OR6N1: variants seen among roughly 807,000 people sequenced by gnomAD.
The protein encoded by OR6N1 is olfactory receptor 6N1.
For synonymous variants in OR6N1, 170 were observed against 150.7 expected (o/e 1.13, Z -0.94); for missense variants, 394 against 371.7 (o/e 1.06, Z -0.49).
chr1:158,818,762 C>A, the OR6N1 span, among the ~76,000 whole-genome samples: 4 of 152,202 alleles, frequency 2.6e-5, no homozygotes, highest in African/African-American at 9.6e-5. Context: ...ACTTCCCTAT[C>A]CTTACCCAGT....
chr1:158,809,696 C>T, the OR6N1 span, among the ~76,000 whole-genome samples: 5 of 152,130 alleles, frequency 3.3e-5, no homozygotes, highest in African/African-American at 7.2e-5. Flanking sequence ...TAACCAACAA[C>T]ATTGGAGAAG....
rs913126375 is a variant in OR6N1 at position 158,764,816 on chromosome 1, A to G, written c.*928T>C. 6.6e-6 allele frequency: 1 copy of G among 152,052 alleles called. No homozygotes were observed. Among genetic ancestry groups the G allele is most frequent in the Non-Finnish European group, 1.5e-5 (1 of 67,984 alleles). 9.4% of individuals were successfully genotyped at this position (152,052 alleles called of 1,614,324 possible). A position where few individuals can be genotyped will look rare whatever the true frequency, so the allele number is the denominator to read the frequency against. On this transcript the variant is annotated 3_prime_UTR_variant, in exon 2 of 2. Coordinates refer to ENST00000641846, the MANE Select transcript of OR6N1 (RefSeq NM_001005185.2). ...TTCTTTCCACTGACTCAACTCCTATACTTTCATACATTATACTGGCCATAG... is the reference window on the plus strand; with the variant it reads ...TTCTTTCCACTGACTCAACTCCTATGCTTTCATACATTATACTGGCCATAG...
chr1:158,771,647 G>C (rs1215033207), intron 1 of OR6N1, among the ~76,000 whole-genome samples: 1 of 152,084 alleles, frequency 6.6e-6, no homozygotes, highest in African/African-American at 2.4e-5. Flanking sequence ...AATTGTTTAG[G>C]CATAGGGCCA....
At chr1:158,802,565 T>C in the OR6N1 span, among the ~76,000 whole-genome samples, 2 of 152,124 alleles carry the variant, frequency 1.3e-5, no homozygotes, top group Non-Finnish European at 2.9e-5. Context: ...AAAGCTTTTT[T>C]TGCAAGGAGA....
At chr1:158,773,663 C>A (rs1657480019), upstream of OR6N1, among the ~76,000 whole-genome samples, 1 of 152,104 alleles carries the variant, frequency 6.6e-6, no homozygotes, top group African/African-American at 2.4e-5. Flanking sequence ...TTCATCCACC[C>A]TCCCCATCTT....
At chr1:158,801,669 T>A in the OR6N1 span, among the ~76,000 whole-genome samples, 1 of 152,300 alleles carries the variant, frequency 6.6e-6, no homozygotes, top group South Asian at 2.1e-4. Flanking sequence ...ATATAAATGT[T>A]GTATAAAGCC....
chr1:158,773,148 T>G (rs530710675), upstream of OR6N1, among the ~76,000 whole-genome samples: 259 of 145,024 alleles, frequency 1.8e-3, 1 homozygote, highest in Non-Finnish European at 3.1e-3. Flanking sequence ...GTTTATATTT[T>G]TCTATCTCCT....
chr1:158,767,444 C>G (rs995032232), intron 1 of OR6N1, among the ~76,000 whole-genome samples: 1 of 152,186 alleles, frequency 6.6e-6, no homozygotes, highest in Non-Finnish European at 1.5e-5. Context: ...ACTTCAAATG[C>G]TCTTTTCTGG....
At chr1:158,806,453 C>T in the OR6N1 span, among the ~76,000 whole-genome samples, 1 of 152,132 alleles carries the variant, frequency 6.6e-6, no homozygotes, top group African/African-American at 2.4e-5. Context: ...TATTTACATG[C>T]TTAACGTTCT....
chr1:158,766,027 A>T lies in OR6N1; in HGVS notation c.656T>A (p.Val219Glu), dbSNP rs1657248576. The T allele has an allele frequency of 6.2e-7, 1 of 1,614,096 alleles. No homozygotes were observed. The highest frequency in any genetic ancestry group is 1.7e-5 in the Admixed American group (1 of 60,004). Residue 219 changes from valine to glutamate, a missense_variant, in exon 2 of 2, where the codon GTG (valine) becomes GAG (glutamate). Transcript: ENST00000641846. ...ATFLLILCSY[V>E]QIICTVLRIP... ...TCTGAGCACTGTGCAGATGATCTGCACATAGGAGCAGAGGATCAGCAGGAA... is the reference window on the plus strand; with the variant it reads ...TCTGAGCACTGTGCAGATGATCTGCTCATAGGAGCAGAGGATCAGCAGGAA...
the OR6N1 span, among the ~76,000 whole-genome samples, chr1:158,784,655 G>A: frequency 2.0e-5 from 3 of 151,904 alleles, no homozygotes; most frequent in Middle Eastern, 0.01. Context: ...TTTCACATAC[G>A]AATAATATTA....
the OR6N1 span, among the ~76,000 whole-genome samples, chr1:158,787,123 C>T: frequency 2.6e-5 from 4 of 151,866 alleles, no homozygotes; most frequent in South Asian, 2.1e-4. Context: ...TGGCTTGGTG[C>T]GATTCTCCAT....
At chr1:158,839,704 T>C in the OR6N1 span, among the ~76,000 whole-genome samples, 6 of 152,202 alleles carry the variant, frequency 3.9e-5, no homozygotes, top group Non-Finnish European at 2.9e-5. Context: ...GGGAGAAAGT[T>C]AAACAGGGAC....
chr1:158,835,751 G>A, the OR6N1 span, among the ~76,000 whole-genome samples: 1 of 151,910 alleles, frequency 6.6e-6, no homozygotes, highest in Non-Finnish European at 1.5e-5. Context: ...AATAATGTTA[G>A]CTATGGTGTT....
Position 158,766,079 on chromosome 1 carries a change from T to C in OR6N1, c.604A>G (p.Ile202Val). The stretch of plus-strand genomic sequence containing the variant: ...GTGGCTAGGATCTTGCAGGAATTTA[T>C]AACAAAATCTACTAGGACATTTATA... ...TSINVLVDFV[I>V]NSCKILATFL... Residue 202 changes from isoleucine (I) to valine (V), a missense_variant, in exon 2 of 2, where the codon ATA (isoleucine) becomes GTA (valine). By Grantham distance (29) the Ile-to-Val change is conservative. Transcript: ENST00000641846. The C allele has an allele frequency of 1.2e-6, 2 of 1,614,150 alleles. No homozygotes were observed. Among genetic ancestry groups the C allele is most frequent in the Non-Finnish European group, 1.7e-6 (2 of 1,180,020 alleles).
At chr1:158,774,407 T>A (rs953664906), upstream of OR6N1, 1 of 151,996 alleles carries the variant, frequency 6.6e-6, no homozygotes, top group African/African-American at 2.4e-5. Context: ...CATGCAGCAA[T>A]GAGAAACAGA....
the OR6N1 span, among the ~76,000 whole-genome samples, chr1:158,806,206 A>C: frequency 2.0e-5 from 3 of 152,210 alleles, no homozygotes; most frequent in African/African-American, 7.2e-5. Context: ...GACTGTCAGC[A>C]GAATAGAGTT....
At chr1:158,817,598 G>A in the OR6N1 span, among the ~76,000 whole-genome samples, 1 of 152,202 alleles carries the variant, frequency 6.6e-6, no homozygotes, top group Admixed American at 6.5e-5. Context: ...CTGCAAAACT[G>A]AGTGTGCTCC....
the OR6N1 span, among the ~76,000 whole-genome samples, chr1:158,834,786 T>C: frequency 6.6e-6 from 1 of 152,226 alleles, no homozygotes; most frequent in Non-Finnish European, 1.5e-5. Flanking sequence ...TGATATACTT[T>C]GAGTTACATT....
Sources: allele counts gnomAD v4.1 joint callset (sites outside exome capture counted in the v4.1 genomes callset), GRCh38; gene constraint gnomAD v4.1.1; transcripts MANE v1.5; gene names NCBI Gene and HGNC (gene_info 2026-07-23, HGNC 2026-07-21).